The following TBXT variants were observed in gnomAD, a reference collection of about 807,000 sequenced individuals.
The protein encoded by TBXT is T brachyury transcription factor.
A neutral mutation model predicts 41.1 loss-of-function variants in TBXT; 19 were observed. The observed-to-expected ratio is 0.46, with a 90% CI of 0.32 to 0.68. The LOEUF is 0.68. Ranked by LOEUF, TBXT falls within the 30% of genes least tolerant of loss-of-function variation. The pLI is 0.03. For synonymous variants in TBXT, 213 were observed against 238.9 expected (o/e 0.89, Z 1.00); for missense variants, 536 against 582.0 (o/e 0.92, Z 0.81).
At position 166,165,847 on chromosome 6, in the gene TBXT, G is replaced by A. The variant is rs1264234717; in HGVS notation, c.472-7C>T. 1.9e-6 allele frequency: 3 copies of A among 1,614,140 alleles called. No individual in the cohort carries two copies. The highest frequency in any genetic ancestry group is 3.3e-5 in the Admixed American group (2 of 60,022). ...GCAAGGAGTTCAGCATGATCTGAGG[G>A]AGACAGATACAGGATTGGTGGCACT... On this transcript the variant is annotated splice_region_variant and splice_polypyrimidine_tract_variant and intron_variant, in intron 2 of 7. Coordinates refer to ENST00000366876, the MANE Select transcript of TBXT (RefSeq NM_001366285.2).
chr6:166,161,677 C>T (rs1453387382), intron 6 of TBXT, among the ~76,000 whole-genome samples: 2 of 151,392 alleles, frequency 1.3e-5, no homozygotes, highest in African/African-American at 2.4e-5. Flanking sequence ...AATCCCAGCA[C>T]TTTGGGAGGC....
intron 1 of TBXT, 64 bp downstream of exon 1, chr6:166,167,322 A>G: frequency 6.3e-7 from 1 of 1,590,048 alleles, no homozygotes; most frequent in Non-Finnish European, 8.6e-7. Flanking sequence ...GGAACTTGCC[A>G]GGTCCCCCAG....
In TBXT at chr6:166,162,568, A is replaced by T. The variant is rs550364175; in HGVS notation, c.786T>A (p.His262Gln). 3.7e-6 allele frequency: 6 copies of T among 1,614,108 alleles called. No individual in the cohort carries two copies. The highest frequency in any genetic ancestry group is 5.1e-6 in the Non-Finnish European group (6 of 1,180,004). Residue 262 changes from histidine (H) to glutamine (Q), a missense_variant, in exon 6 of 8, where the codon CAT (histidine) becomes CAA (glutamine). Transcript: ENST00000366876. ...TSTLCPPANP[H>Q]PQFGGALSLP... ...GGGAGAGGGCACCTCCAAACTGAGG[A>T]TGAGGATTTGCAGGTGGACACAGGG...
At position 166,166,767 on chromosome 6, in the gene TBXT, T is replaced by C; in HGVS notation, c.296A>G (p.Asn99Ser). Reference sequence around the variant, plus strand: ...CCCGTTCACGTACTTCCAGCGGTGGTTGTCCGCCGCCACGAAGTCCAGCAG... The same window carrying C: ...CCCGTTCACGTACTTCCAGCGGTGGCTGTCCGCCGCCACGAAGTCCAGCAG... ...SFLLDFVAAD[N>S]HRWKYVNGEW... is the part of the protein sequence containing the mutation. Residue 99 changes from asparagine to serine, a missense_variant, in exon 2 of 8, where the codon AAC (asparagine) becomes AGC (serine). Transcript: ENST00000366876. 6.2e-7 allele frequency: 1 copy of C among 1,613,754 alleles called. No individual in the cohort carries two copies. Among genetic ancestry groups the C allele is most frequent in the Non-Finnish European group, 8.5e-7 (1 of 1,180,044 alleles).
intron 1 of TBXT, 34 bp downstream of exon 1, chr6:166,167,352 G>A: frequency 1.2e-6 from 2 of 1,610,236 alleles, no homozygotes; most frequent in Non-Finnish European, 1.7e-6. Flanking sequence ...GCGCTGGAGA[G>A]CGCGGCGCGC....
chr6:166,161,865 G>A (rs1054296382), intron 6 of TBXT, among the ~76,000 whole-genome samples: 1 of 152,262 alleles, frequency 6.6e-6, no homozygotes, highest in Non-Finnish European at 1.5e-5. Context: ...GGAGCTTGCA[G>A]TGAGCCGAGA....
intron 6 of TBXT, among the ~76,000 whole-genome samples, chr6:166,161,840 G>A (rs969678797): frequency 5.9e-5 from 9 of 152,216 alleles, no homozygotes; most frequent in South Asian, 2.1e-4. Flanking sequence ...GGAGAATGGC[G>A]TGAACCCGAG....
intron 5 of TBXT, among the ~76,000 whole-genome samples, chr6:166,163,659 C>G (rs1289293074): frequency 6.6e-6 from 1 of 152,172 alleles, no homozygotes; most frequent in African/African-American, 2.4e-5. Flanking sequence ...GTTGGGATTA[C>G]AGGCGTGAGC....
chr6:166,168,055 C>A (rs1779193272), upstream of TBXT, among the ~76,000 whole-genome samples: 1 of 152,088 alleles, frequency 6.6e-6, no homozygotes, highest in Non-Finnish European at 1.5e-5. Context: ...AAATCCGGGG[C>A]CCCAGCCCTG....
chr6:166,161,126 T>G (rs1399047130), intron 6 of TBXT, among the ~76,000 whole-genome samples, 160 bp from the exon 7 acceptor site: 1 of 152,194 alleles, frequency 6.6e-6, no homozygotes, highest in Non-Finnish European at 1.5e-5. Flanking sequence ...ATTTACATGG[T>G]TATCAGGGGC....
rs909351179 is a variant in TBXT, at chr6:166,161,750, G to A, written c.907+697C>T. On this transcript the variant is annotated intron_variant, in intron 6 of 7. Coordinates refer to ENST00000366876, the MANE Select transcript of TBXT (RefSeq NM_001366285.2). ...ATCCTGGCTAACACGGTGAAACCCC[G>A]TCTCTACTAAAAATACAAAAAAATT... Among the ~76,000 whole-genome samples the A allele has an allele frequency of 4.6e-5, 7 of 152,282 alleles. No homozygotes were observed. The South Asian group carries it at 6.2e-4, about 14-fold the overall frequency.
At chr6:166,168,369 G>A (rs1035275649), upstream of TBXT, 5 of 152,308 alleles carry the variant, frequency 3.3e-5, no homozygotes, top group African/African-American at 9.6e-5. Flanking sequence ...TCCCAGGGAC[G>A]AGCGCATTTG....
chr6:166,163,783 C>A (rs1779029392), intron 5 of TBXT, among the ~76,000 whole-genome samples: 1 of 152,266 alleles, frequency 6.6e-6, no homozygotes, highest in Non-Finnish European at 1.5e-5. Context: ...AACAATTCTC[C>A]AGGCAGCACT....
At chr6:166,167,931 C>T (rs1779186641), upstream of TBXT, 1 of 401,780 alleles carries the variant, frequency 2.5e-6, no homozygotes, top group Non-Finnish European at 4.6e-6. Context: ...GGGCCGCGCA[C>T]GCTTTGAAGT....
At position 166,167,280 on chromosome 6, in the gene TBXT, C is replaced by T. The variant is rs113859800; in HGVS notation, c.206+106G>A. ...ACCAGAGCGGGAACAAACACAAAGC[C>T]CTCCTCCAGGAGAAAAAGGGTTCGA... On this transcript the variant is annotated intron_variant, in intron 1 of 7. Coordinates refer to ENST00000366876, the MANE Select transcript of TBXT (RefSeq NM_001366285.2). 3.3e-5 allele frequency: 43 copies of T among 1,292,300 alleles called. No individual in the cohort carries two copies. In the African/African-American group the frequency reaches 3.8e-4, roughly 11 times the overall value. The allele number at this position is 1,292,300 out of a possible 1,614,324, so 80.1% of individuals were successfully genotyped here.
At chr6:166,166,446 G>T in intron 2 of TBXT, 146 bp downstream of exon 2, 2 of 1,270,344 alleles carry the variant, frequency 1.6e-6, no homozygotes, top group Non-Finnish European at 2.2e-6. Context: ...AGCGCTAAAG[G>T]CCTTATTAGA....
At chr6:166,165,668 A>T in intron 3 of TBXT, 38 bp downstream of exon 3, 1 of 1,612,948 alleles carries the variant, frequency 6.2e-7, no homozygotes, top group South Asian at 1.1e-5. Flanking sequence ...ACCACACCGC[A>T]GCACACCGGG....
At position 166,166,869 on chromosome 6, in the gene TBXT, G is replaced by A. The variant is rs199848306; in HGVS notation, c.207-13C>T. 5.5e-5 allele frequency: 88 copies of A among 1,613,402 alleles called. No homozygotes were observed. In the Admixed American group the frequency reaches 1.1e-3, roughly 20 times the overall value. ...CGGAAACATCCTCCTGGAAAACACG[G>A]GGCGGGCGCAGGAGGACCCCGACAC... On this transcript the variant is annotated splice_polypyrimidine_tract_variant and intron_variant, in intron 1 of 7. Coordinates refer to ENST00000366876, the MANE Select transcript of TBXT (RefSeq NM_001366285.2).
chr6:166,164,679 A>C lies in TBXT; in HGVS notation c.669-13T>G. The stretch of plus-strand genomic sequence containing the variant: ...TTTGTGATCACTTCTATCAAAATGA[A>C]AAAAAAAAAGTATATCGAATTTTCA... On this transcript the variant is annotated splice_polypyrimidine_tract_variant and intron_variant, in intron 4 of 7. Coordinates refer to ENST00000366876, the MANE Select transcript of TBXT (RefSeq NM_001366285.2). 1.3e-6 allele frequency: 2 copies of C among 1,568,810 alleles called. No homozygotes were observed. Among genetic ancestry groups the C allele is most frequent in the Non-Finnish European group, 1.7e-6 (2 of 1,151,016 alleles).
Sources: gnomAD v4.1 joint callset for allele counts (sites outside exome capture counted in the v4.1 genomes callset) on GRCh38, gnomAD v4.1.1 for gene constraint, MANE v1.5 for transcripts, NCBI Gene and HGNC (gene_info 2026-07-23, HGNC 2026-07-21) for gene names.